The following DEPTOR variants were observed in gnomAD, a reference collection of about 807,000 sequenced individuals.
DEPTOR encodes the protein DEP domain containing MTOR interacting protein.
DEPTOR carries 41 observed loss-of-function variants against 41.6 expected under a neutral mutation model. The ratio of observed to expected loss-of-function variants is 0.98; its 90% confidence interval spans 0.77 to 1.28. The LOEUF is 1.28. Among genes scored for constraint, DEPTOR ranks in the 50% most tolerant of loss-of-function variants. The pLI, the probability that DEPTOR is intolerant of heterozygous loss-of-function variation, is 0.00. For missense variants in DEPTOR, 514 were observed against 527.9 expected, an observed-to-expected ratio of 0.97 and a Z score of 0.26; for synonymous variants, 195 against 192.3, an observed-to-expected ratio of 1.01 and a Z score of -0.12.
At chr8:119,892,025 G>A (rs975045942) in intron 1 of DEPTOR, among the ~76,000 whole-genome samples, 2 of 152,064 alleles carry the variant, frequency 1.3e-5, no homozygotes, top group Non-Finnish European at 2.9e-5. Flanking sequence ...TTGAGACAGA[G>A]TCTGGCTGTG....
chr8:119,977,389 G>GA (rs112346556), intron 4 of DEPTOR, among the ~76,000 whole-genome samples: 96 of 146,380 alleles, frequency 6.6e-4, no homozygotes, highest in East Asian at 9.9e-4. Flanking sequence ...ACTTTGAACA[G>GA]AAAAAAAAAA....
At chr8:119,929,782 C>T (rs750343538) in intron 2 of DEPTOR, 33 bp from the exon 3 acceptor site, 2 of 1,558,086 alleles carry the variant, frequency 1.3e-6, no homozygotes, top group Non-Finnish European at 8.7e-7. Context: ...GATTTTTTTT[C>T]TCATTTGCTT....
chr8:120,049,234 CTTA>C (rs751319427), intron 8 of DEPTOR, among the ~76,000 whole-genome samples: 2 of 151,786 alleles, frequency 1.3e-5, no homozygotes, highest in Non-Finnish European at 1.5e-5. Context: ...AGGTATTACT[CTTA>C]TTATTATTAT....
chr8:119,938,588 T>C (rs1828141149), intron 3 of DEPTOR, among the ~76,000 whole-genome samples: 1 of 152,148 alleles, frequency 6.6e-6, no homozygotes, highest in Non-Finnish European at 1.5e-5. Flanking sequence ...TCTTGGCTGG[T>C]TGCAATCTCT....
chr8:119,932,910 A>C (rs1828063696), intron 3 of DEPTOR, among the ~76,000 whole-genome samples: 1 of 152,146 alleles, frequency 6.6e-6, no homozygotes, highest in Non-Finnish European at 1.5e-5. Flanking sequence ...TTGAGATGGG[A>C]ATGTGCTGGA....
intron 4 of DEPTOR, among the ~76,000 whole-genome samples, chr8:119,984,988 C>T (rs985032393): frequency 1.3e-5 from 2 of 152,114 alleles, no homozygotes; most frequent in African/African-American, 4.8e-5. Flanking sequence ...AGTTTGAGAC[C>T]AGCCTGGCCT....
intron 4 of DEPTOR, among the ~76,000 whole-genome samples, chr8:119,966,710 C>G (rs916911371): frequency 3.3e-5 from 5 of 152,142 alleles, no homozygotes; most frequent in Admixed American, 6.5e-5. Flanking sequence ...CTACTGGCCT[C>G]AAGTGATCCA....
chr8:120,034,688 G>A (rs966732845), intron 8 of DEPTOR, among the ~76,000 whole-genome samples: 1 of 151,812 alleles, frequency 6.6e-6, no homozygotes, highest in African/African-American at 2.4e-5. Context: ...GACCTCAAGT[G>A]ATCCACCCAC....
chr8:119,946,433 T>G (rs1828277821), intron 3 of DEPTOR, among the ~76,000 whole-genome samples: 1 of 111,930 alleles, frequency 8.9e-6, no homozygotes, highest in Admixed American at 8.2e-5. Flanking sequence ...TAGTGTTTGG[T>G]TTTTTTTTTT....
At chr8:119,952,772 A>G (rs747008279) in intron 3 of DEPTOR, among the ~76,000 whole-genome samples, 4 of 152,190 alleles carry the variant, frequency 2.6e-5, no homozygotes, top group Middle Eastern at 3.2e-3. Flanking sequence ...TCTTCAGGGA[A>G]GTGAAAATGG....
chr8:119,933,453 GACACACACACACACAC>G (rs35420959), intron 3 of DEPTOR, among the ~76,000 whole-genome samples: 47 of 124,560 alleles, frequency 3.8e-4, no homozygotes, highest in East Asian at 1.2e-3. Flanking sequence ...GACAGAGCAA[GACACACACACACACAC>G]ACACACACAC....
At chr8:120,033,348 A>G (rs1412457239) in intron 8 of DEPTOR, among the ~76,000 whole-genome samples, 1 of 152,068 alleles carries the variant, frequency 6.6e-6, no homozygotes, top group Non-Finnish European at 1.5e-5. Context: ...CTGCCTCCCA[A>G]AGTGCTGGGA....
intron 3 of DEPTOR, among the ~76,000 whole-genome samples, chr8:119,936,008 T>TG (rs1471599322): frequency 6.6e-6 from 1 of 151,130 alleles, no homozygotes; most frequent in Non-Finnish European, 1.5e-5. Context: ...TGTTTTTTTT[T>TG]TTTTTTTTTT....
At chr8:119,886,443 G>A (rs116834827) in intron 1 of DEPTOR, among the ~76,000 whole-genome samples, 2,825 of 143,456 alleles carry the variant, frequency 0.02, 86 homozygotes, top group African/African-American at 0.068. Context: ...ATCTCCCCCA[G>A]TACACACACA....
rs141413416 is a variant in DEPTOR, at chr8:120,049,656, G to C, written c.1182G>C (p.Thr394=). Residue 394 remains threonine, a synonymous_variant, in exon 9 of 9, where the codon ACG becomes ACC. Coordinates refer to ENST00000286234, the MANE Select transcript of DEPTOR (RefSeq NM_022783.4). The part of the protein sequence containing the change: ...DYRTVSNLIL[T]GPRTIVMEVM... ...GGACCGTGAGCAATCTGATTCTGAC[G>C]GGCCCACGGACGATTGTCATGGAAG... 6.2e-7 allele frequency: 1 copy of C among 1,613,876 alleles called. No individual in the cohort carries two copies. The highest frequency in any genetic ancestry group is 2.2e-5 in the East Asian group (1 of 44,866).
intron 1 of DEPTOR, among the ~76,000 whole-genome samples, chr8:119,889,750 A>T (rs1827428220): frequency 6.6e-6 from 1 of 151,476 alleles, no homozygotes; most frequent in African/African-American, 2.4e-5. Context: ...ATAAACCTAG[A>T]ATAAGTGATA....
intron 3 of DEPTOR, among the ~76,000 whole-genome samples, chr8:119,956,495 G>T (rs1219090486): frequency 3.3e-5 from 5 of 152,232 alleles, no homozygotes; most frequent in African/African-American, 4.8e-5. Context: ...GGGCTGGCAG[G>T]TCATGTTTCT....
chr8:120,013,003 A>G (rs1812553429), intron 8 of DEPTOR, among the ~76,000 whole-genome samples: 1 of 151,984 alleles, frequency 6.6e-6, no homozygotes, highest in Non-Finnish European at 1.5e-5. Context: ...CTAAAAATAC[A>G]AAAATTAGTC....
intron 3 of DEPTOR, among the ~76,000 whole-genome samples, chr8:119,963,906 C>A (rs2129963850): frequency 6.6e-6 from 1 of 152,240 alleles, no homozygotes; most frequent in Non-Finnish European, 1.5e-5. Flanking sequence ...ATACCATAGG[C>A]TGAGTAGCTT....
Sources: allele counts gnomAD v4.1 joint callset (sites outside exome capture counted in the v4.1 genomes callset), GRCh38; gene constraint gnomAD v4.1.1; transcripts MANE v1.5; gene names NCBI Gene and HGNC (gene_info 2026-07-23, HGNC 2026-07-21).